Variants in NBPF26 observed in about 807,000 individuals in gnomAD.
NBPF26 encodes the protein NBPF member 26.
In NBPF26, 79 loss-of-function variants were observed where a neutral mutation model predicts 119.6. The ratio of observed to expected loss-of-function variants is 0.66; its 90% CI spans 0.55 to 0.80. The LOEUF (loss-of-function observed/expected upper bound fraction) is 0.80, where lower values mean the gene tolerates loss of function less well. Among genes scored for constraint, NBPF26 ranks in the 30% least tolerant of loss-of-function variants. The pLI, the probability that NBPF26 is intolerant of heterozygous loss-of-function variation, is 0.00. For synonymous variants in NBPF26, 299 were observed against 457.7 expected, an observed-to-expected ratio of 0.65 and a Z score of 4.43; for missense variants, 800 against 1,198.2, an observed-to-expected ratio of 0.67 and a Z score of 4.91.
rs1374504863 is a variant in NBPF26 at position 120,759,055 on chromosome 1, A to C, written c.74-4573A>C. Reference sequence around the variant, plus strand: ...TTATAGAAATAAGGTTCCTGAGGACAGGGAGTTTATTCTGTATACTACGGT... The same window carrying C: ...TTATAGAAATAAGGTTCCTGAGGACCGGGAGTTTATTCTGTATACTACGGT... On this transcript the variant is annotated intron_variant, in intron 1 of 29. Transcript: ENST00000620612. Among the ~76,000 whole-genome samples the C allele has an allele frequency of 2.0e-5, 2 of 102,382 alleles. 1 individual carries two copies. The highest frequency in any genetic ancestry group is 1.3e-4 in the African/African-American group (2 of 15,450). 67.2% of individuals were successfully genotyped at this position (102,382 alleles called of 152,430 possible). A position where few individuals can be genotyped will look rare whatever the true frequency, so the allele number is the denominator to read the frequency against.
At position 120,811,065 on chromosome 1, in the gene NBPF26, C is replaced by A. The variant is rs1651849454; in HGVS notation, c.1564+507C>A. ...ACCATCCTGGCTAACACGGTGAAAC[C>A]CCGTCTTTACTAAAAATACAAAAAA... On this transcript the variant is annotated intron_variant, in intron 9 of 29. Transcript: ENST00000620612. Among the ~76,000 whole-genome samples the A allele has an allele frequency of 1.0e-4, 10 of 97,174 alleles. 1 individual carries two copies. The South Asian group carries it at 3.0e-3, about 29-fold the overall frequency. The allele number at this position is 97,174 out of a possible 152,430, so 63.7% of individuals were successfully genotyped here.
At chr1:120,802,379 G>A (rs1485995015) in intron 4 of NBPF26, among the ~76,000 whole-genome samples, 1 of 126,132 alleles carries the variant, frequency 7.9e-6, no homozygotes, top group Non-Finnish European at 1.6e-5. Context: ...ACAACAGCAG[G>A]ACAAGAAGAT....
chr1:120,783,745 G>T (rs1433782009), intron 2 of NBPF26, among the ~76,000 whole-genome samples: 1 of 117,116 alleles, frequency 8.5e-6, no homozygotes, highest in African/African-American at 5.0e-5. Context: ...TAAACGTTAG[G>T]GTGGCCATAA....
At chr1:120,818,035 T>C in intron 14 of NBPF26, 88 bp from the exon 15 acceptor site, 1 of 508,294 alleles carries the variant, frequency 2.0e-6, no homozygotes. Flanking sequence ...AGAATAGTTA[T>C]GTCCTTGTGC....
At chr1:120,813,023 C>A (rs1227522439) in intron 10 of NBPF26, among the ~76,000 whole-genome samples, 4 of 118,984 alleles carry the variant, frequency 3.4e-5, no homozygotes, top group Non-Finnish European at 6.6e-5. Context: ...TCCTGGGGCA[C>A]AGAGTCTTGT....
At chr1:120,808,345 C>T (rs1289520250) in intron 6 of NBPF26, among the ~76,000 whole-genome samples, 200 bp from the exon 7 acceptor site, 1 of 119,360 alleles carries the variant, frequency 8.4e-6, no homozygotes, top group Non-Finnish European at 1.6e-5. Context: ...GAGGATCTTG[C>T]AGGAGCCCTC....
At chr1:120,765,116 G>C (rs1171896488) in intron 2 of NBPF26, among the ~76,000 whole-genome samples, 4 of 116,296 alleles carry the variant, frequency 3.4e-5, no homozygotes, top group Non-Finnish European at 6.7e-5. Context: ...GGAAATAAAG[G>C]TTTTATGTAG....
At chr1:120,822,513 C>T (rs1257259130) in intron 16 of NBPF26, among the ~76,000 whole-genome samples, 10 of 110,346 alleles carry the variant, frequency 9.1e-5, no homozygotes, top group South Asian at 5.4e-4. Flanking sequence ...ACTGTCACGA[C>T]ATTGAACTCA....
In NBPF26 at chr1:120,802,583, T is replaced by A. The variant is rs1651594788; in HGVS notation, c.752-2973T>A. ...GTTTCAAATTCAAGCATGCTTTGAA[T>A]ATAAATTAAGTTTACCTCTTTTTGC... is the stretch of plus-strand genomic sequence containing the variant. On this transcript the variant is annotated intron_variant, in intron 4 of 29. Transcript: ENST00000620612. 1.7e-5 allele frequency among the ~76,000 whole-genome samples: 2 copies of A among 120,508 alleles called. 1 individual carries two copies. Among genetic ancestry groups the A allele is most frequent in the South Asian group, 4.9e-4 (2 of 4,122 alleles). 79.1% of individuals were successfully genotyped at this position (120,508 alleles called of 152,430 possible).
chr1:120,829,425 A>T (rs1652289335), intron 18 of NBPF26, among the ~76,000 whole-genome samples: 1 of 88,988 alleles, frequency 1.1e-5, no homozygotes, highest in Non-Finnish European at 2.0e-5. Context: ...GTATTTGATG[A>T]GACAGGGCTG....
intron 2 of NBPF26, among the ~76,000 whole-genome samples, chr1:120,770,667 A>G (rs1185992662): frequency 2.5e-5 from 3 of 120,932 alleles, no homozygotes; most frequent in Non-Finnish European, 4.8e-5. Flanking sequence ...GAGAAGTTAA[A>G]TAATTCACTC....
chr1:120,838,877 AT>A lies in NBPF26; in HGVS notation c.3956del (p.Leu1319TrpfsTer55). 2.1e-5 allele frequency: 1 copy of A among 46,582 alleles called. No individual in the cohort carries two copies. The highest frequency in any genetic ancestry group is 3.5e-5 in the Non-Finnish European group (1 of 28,820). 2.9% of individuals were successfully genotyped at this position (46,582 alleles called of 1,614,324 possible). ...AGCCCTATGGAAGTTCCTTTTATGC[AT>A]TGGAGGAAAAACATGTTGGCTTTTC... On this transcript the variant is annotated frameshift_variant, in exon 28 of 30. Coordinates refer to ENST00000620612, the Ensembl canonical transcript of NBPF26. LOFTEE classifies it high-confidence loss of function.
rs1300153787 is a variant in NBPF26 at position 120,814,778 on chromosome 1, G to A, written c.1878-51G>A. ...GAAATCTCTGTTGCAATATTTGAGC[G>A]GATCACTCAACCCTTTCTACTCTTA... On this transcript the variant is annotated intron_variant, in intron 11 of 29. Coordinates refer to ENST00000620612, the Ensembl canonical transcript of NBPF26. 7.8e-5 allele frequency: 87 copies of A among 1,110,536 alleles called. 15 individuals are homozygous for A. The highest frequency in any genetic ancestry group is 1.2e-4 in the East Asian group (5 of 43,212). 68.8% of individuals were successfully genotyped at this position (1,110,536 alleles called of 1,614,324 possible).
In NBPF26 at chr1:120,727,807, C is replaced by A. The variant is rs1650831896; in HGVS notation, c.73+3557C>A. Among the ~76,000 whole-genome samples, 2 of 117,298 alleles carry A rather than the reference C, an allele frequency of 1.7e-5. 1 individual carries two copies. 77.0% of individuals were successfully genotyped at this position (117,298 alleles called of 152,430 possible). The stretch of plus-strand genomic sequence containing the variant: ...TTTCCTGATTTTCCTGTTTTTGTTT[C>A]CCCCCCTTTCTCTGCAAATGACTTG... On this transcript the variant is annotated intron_variant, in intron 1 of 29. Coordinates refer to ENST00000620612, the Ensembl canonical transcript of NBPF26.
At position 120,784,880 on chromosome 1, in the gene NBPF26, C is replaced by T. The variant is rs1323027618; in HGVS notation, c.156-94C>T. On this transcript the variant is annotated intron_variant, in intron 2 of 29. Transcript: ENST00000620612. ...TTGTAGGTCTGTTGATTCACAATCT[C>T]GTGCTTTCTTGATTGGACTGTATTG... 1,998 of 1,037,520 alleles carry T rather than the reference C, an allele frequency of 1.9e-3. 342 individuals are homozygous for T. The highest frequency in any genetic ancestry group is 8.9e-3 in the Middle Eastern group (33 of 3,716). 64.3% of individuals were successfully genotyped at this position (1,037,520 alleles called of 1,614,324 possible).
intron 8 of NBPF26, among the ~76,000 whole-genome samples, 160 bp downstream of exon 8, chr1:120,810,043 G>C (rs1211690385): frequency 7.5e-6 from 1 of 134,120 alleles, no homozygotes; most frequent in South Asian, 2.2e-4. Flanking sequence ...GGCAGCTGTC[G>C]TGTTTCTCTA....
At chr1:120,785,060 C>T (rs1651405935) in exon 3 of NBPF26, 1 of 1,445,710 alleles carries the variant, frequency 6.9e-7, no homozygotes, top group Non-Finnish European at 9.2e-7. Flanking sequence ...ACTTGTGTGG[C>T]CCAGGCCATG....
At chr1:120,805,858 C>A in intron 5 of NBPF26, 93 bp downstream of exon 5, 2 of 1,074,302 alleles carry the variant, frequency 1.9e-6, no homozygotes. Context: ...AAAAGAATTT[C>A]ATCCTTCCTG....
At chr1:120,780,087 T>C (rs1366693696) in intron 2 of NBPF26, among the ~76,000 whole-genome samples, 1 of 126,430 alleles carries the variant, frequency 7.9e-6, no homozygotes, top group Admixed American at 7.7e-5. Context: ...AGACTGACTT[T>C]ATCCATCACA....
Sources: gnomAD v4.1 joint callset for allele counts (sites outside exome capture counted in the v4.1 genomes callset) on GRCh38, gnomAD v4.1.1 for gene constraint, MANE v1.5 for transcripts, NCBI Gene and HGNC (gene_info 2026-07-23, HGNC 2026-07-21) for gene names.